CLEC16A: variants seen among roughly 807,000 people sequenced by gnomAD.
CLEC16A encodes the protein C-type lectin domain containing 16A, also known as protein CLEC16A.
CLEC16A carries 51 observed loss-of-function variants against 109.5 expected under a neutral mutation model. The ratio of observed to expected loss-of-function variants is 0.47; its 90% CI spans 0.37 to 0.59. CLEC16A has a LOEUF of 0.59. Among genes scored for constraint, CLEC16A ranks in the 20% least tolerant of loss-of-function variants. CLEC16A has a pLI of 0.00. For synonymous variants in CLEC16A, 673 were observed against 564.2 expected (o/e 1.19, Z -2.73); for missense variants, 1,339 against 1,394.0 (o/e 0.96, Z 0.63).
At chr16:11,151,670 G>C (rs1274103403) in intron 22 of CLEC16A, among the ~76,000 whole-genome samples, 1 of 152,194 alleles carries the variant, frequency 6.6e-6, no homozygotes, top group Non-Finnish European at 1.5e-5. Context: ...AAATCAATCA[G>C]TGCAATTTCA....
intron 16 of CLEC16A, among the ~76,000 whole-genome samples, chr16:11,046,320 G>A (rs2047631639): frequency 6.6e-6 from 1 of 152,112 alleles, no homozygotes. Context: ...TATACCCTAA[G>A]TATAATTTCT....
chr16:11,097,972 A>G (rs1371209598), intron 19 of CLEC16A, among the ~76,000 whole-genome samples: 1 of 152,218 alleles, frequency 6.6e-6, no homozygotes, highest in Non-Finnish European at 1.5e-5. Flanking sequence ...AAGTGATGCC[A>G]CAAGGCCAAG....
chr16:11,166,776 G>A (rs1031906387), intron 23 of CLEC16A, among the ~76,000 whole-genome samples: 2 of 152,162 alleles, frequency 1.3e-5, no homozygotes, highest in East Asian at 1.9e-4. Context: ...TTTTCAGGCC[G>A]GTCCCCACCG....
chr16:11,060,507 CCCTTGCTGGAAGCATGG>C (rs1192459635), intron 18 of CLEC16A, among the ~76,000 whole-genome samples: 5 of 152,180 alleles, frequency 3.3e-5, no homozygotes, highest in Non-Finnish European at 7.3e-5. Flanking sequence ...CAGGGTCTAG[CCCTTGCTGGAAGCATGG>C]CCTGGGCAGG....
Position 11,181,175 on chromosome 16 carries a change from C to T in CLEC16A, c.*2485C>T, listed in dbSNP as rs1297027271. 1.3e-5 allele frequency: 2 copies of T among 152,442 alleles called. No homozygotes were observed. Among genetic ancestry groups the T allele is most frequent in the South Asian group, 2.1e-4 (1 of 4,832 alleles). 9.4% of individuals were successfully genotyped at this position (152,442 alleles called of 1,614,324 possible). A position where few individuals can be genotyped will look rare whatever the true frequency, so the allele number is the denominator to read the frequency against. ...GCCATTTTGGCTTCAAAGGACCCCA[C>T]CTCACCCAGGTCTCAGCGGCAGTGG... On this transcript the variant is annotated 3_prime_UTR_variant, in exon 24 of 24. Transcript: ENST00000409790.
At chr16:11,051,364 C>T (rs2047930789) in intron 17 of CLEC16A, 149 bp from the exon 18 acceptor site, 1 of 838,358 alleles carries the variant, frequency 1.2e-6, no homozygotes, top group African/African-American at 1.7e-5. Flanking sequence ...TGCCTCTGTG[C>T]TTTACTTCAA....
intron 13 of CLEC16A, among the ~76,000 whole-genome samples, chr16:11,038,914 T>G (rs1353252862): frequency 6.6e-6 from 1 of 152,204 alleles, no homozygotes; most frequent in African/African-American, 2.4e-5. Context: ...CTGCCTCACC[T>G]GGCTCACAAC....
At chr16:11,081,169 G>A (rs1422142151) in intron 19 of CLEC16A, among the ~76,000 whole-genome samples, 3 of 152,246 alleles carry the variant, frequency 2.0e-5, no homozygotes, top group Non-Finnish European at 4.4e-5. Flanking sequence ...GTCCTTGGCA[G>A]ATCCCTCTGA....
At chr16:11,127,430 AT>A (rs1221853824) in intron 22 of CLEC16A, among the ~76,000 whole-genome samples, 1 of 152,206 alleles carries the variant, frequency 6.6e-6, no homozygotes, top group East Asian at 1.9e-4. Context: ...CAAATTTCTC[AT>A]GTCTGTGTGA....
chr16:11,079,598 T>G (rs752404370), intron 19 of CLEC16A, among the ~76,000 whole-genome samples: 4 of 152,184 alleles, frequency 2.6e-5, no homozygotes, highest in Non-Finnish European at 5.9e-5. Flanking sequence ...CTTTTTGCAT[T>G]TATCTTTTTT....
intron 10 of CLEC16A, among the ~76,000 whole-genome samples, chr16:10,987,004 C>T (rs2043708965): frequency 1.3e-5 from 2 of 151,916 alleles, no homozygotes; most frequent in Admixed American, 6.6e-5. Flanking sequence ...AGGCATGCAC[C>T]ACCACACCCA....
intron 19 of CLEC16A, among the ~76,000 whole-genome samples, chr16:11,081,922 C>T (rs2049742922): frequency 1.3e-5 from 2 of 152,048 alleles, no homozygotes; most frequent in African/African-American, 4.8e-5. Context: ...GTCCCAGCTA[C>T]TTGGGAGGTT....
chr16:11,140,462 C>T (rs1247006351), intron 22 of CLEC16A, among the ~76,000 whole-genome samples: 3 of 152,210 alleles, frequency 2.0e-5, no homozygotes, highest in African/African-American at 7.2e-5. Context: ...GCATGAAGCC[C>T]AAGGGAAATG....
chr16:11,072,882 T>C (rs1423465596), intron 19 of CLEC16A, among the ~76,000 whole-genome samples: 3 of 152,266 alleles, frequency 2.0e-5, no homozygotes, highest in Non-Finnish European at 2.9e-5. Flanking sequence ...AGGGGACACA[T>C]TGAAAAGCAG....
chr16:10,972,947 A>C lies in CLEC16A; in HGVS notation c.614A>C (p.Gln205Pro), dbSNP rs1434028977. The change falls in exon 7 of 24, where the codon CAG (glutamine) becomes CCG (proline). Residue 205 changes from glutamine (Q) to proline (P), a missense_variant. Transcript: ENST00000409790. ...CTGTGAATTTTCTCAGTGGATAACC[A>C]GGCCATGCTGCACTACATCCGAGAT... is the stretch of plus-strand genomic sequence containing the variant. ...LNVYKVSLDN[Q>P]AMLHYIRDKT... The C allele has an allele frequency of 1.2e-6, 2 of 1,601,474 alleles. No homozygotes were observed. The highest frequency in any genetic ancestry group is 2.7e-5 in the African/African-American group (2 of 73,112).
intron 22 of CLEC16A, among the ~76,000 whole-genome samples, chr16:11,157,812 C>T (rs979182997): frequency 1.3e-5 from 2 of 152,158 alleles, no homozygotes; most frequent in South Asian, 4.1e-4. Context: ...GGGCCCTGTG[C>T]CCTGTCTTCC....
rs371143990 is a variant in CLEC16A at position 11,049,962 on chromosome 16, G to A, written c.1867-1551G>A. On this transcript the variant is annotated intron_variant, in intron 17 of 23. Coordinates refer to ENST00000409790, the MANE Select transcript of CLEC16A (RefSeq NM_015226.3). ...GAAGGCAAGCAGCATGCACCAAGTG[G>A]CTCCTTGGCCCTCTGGCCCATTCAC... Among the ~76,000 whole-genome samples the A allele has an allele frequency of 6.6e-4, 101 of 152,308 alleles. 1 individual carries two copies. The South Asian group carries it at 0.021, about 31-fold the overall frequency.
At chr16:10,965,679 G>A (rs565119327) in intron 3 of CLEC16A, among the ~76,000 whole-genome samples, 75 of 152,286 alleles carry the variant, frequency 4.9e-4, no homozygotes, top group African/African-American at 1.4e-3. Context: ...ACAGAGTCCC[G>A]AGAGACTGAG....
At chr16:11,171,948 G>A (rs2068530677) in intron 23 of CLEC16A, among the ~76,000 whole-genome samples, 1 of 149,806 alleles carries the variant, frequency 6.7e-6, no homozygotes, top group African/African-American at 2.5e-5. Context: ...ACATACAAGT[G>A]TGCATGCATA....
Sources: allele counts gnomAD v4.1 joint callset (sites outside exome capture counted in the v4.1 genomes callset), GRCh38; gene constraint gnomAD v4.1.1; transcripts MANE v1.5; gene names NCBI Gene and HGNC (gene_info 2026-07-23, HGNC 2026-07-21).